Variants in GRID1 observed in about 807,000 individuals in gnomAD.
GRID1 encodes the protein glutamate ionotropic receptor delta type subunit 1, also known as glutamate receptor ionotropic, delta-1.
Under a neutral mutation model 98.0 loss-of-function variants are expected in GRID1, and 28 were observed. The observed-to-expected ratio is 0.29, with a 90% CI of 0.21 to 0.39. GRID1 has a LOEUF of 0.39. Among genes scored for constraint, GRID1 ranks in the 10% least tolerant of loss-of-function variants. GRID1 has a pLI of 1.00. For missense variants in GRID1, 1,111 were observed against 1,340.5 expected (o/e 0.83, Z 2.67); for synonymous variants, 553 against 538.5 (o/e 1.03, Z -0.37).
intron 2 of GRID1, among the ~76,000 whole-genome samples, chr10:86,339,238 T>G (rs1051236293): frequency 1.3e-5 from 2 of 152,118 alleles, no homozygotes; most frequent in Non-Finnish European, 2.9e-5. Context: ...ATCCTGCACT[T>G]TCGAGAAACA....
rs575512598 is a variant in GRID1 at position 86,067,272 on chromosome 10, G to A, written c.726+71547C>T. On this transcript the variant is annotated intron_variant, in intron 4 of 15. Transcript: ENST00000327946. ...CCGCGCTCTGCATGCACGCTGGAGG[G>A]TTGGCCAATTAAACCTGGGGAGCTT... is the stretch of plus-strand genomic sequence containing the variant. Among the ~76,000 whole-genome samples the A allele has an allele frequency of 7.2e-5, 11 of 152,330 alleles. No homozygotes were observed. In the East Asian group the frequency reaches 1.7e-3, roughly 24 times the overall value.
chr10:86,087,379 T>C (rs1247119237), intron 4 of GRID1, among the ~76,000 whole-genome samples: 1 of 150,076 alleles, frequency 6.7e-6, no homozygotes, highest in Non-Finnish European at 1.5e-5. Flanking sequence ...TGTGAGTGTC[T>C]GCATAATGGA....
At chr10:85,927,945 C>T (rs1160485086) in intron 4 of GRID1, among the ~76,000 whole-genome samples, 4 of 152,024 alleles carry the variant, frequency 2.6e-5, no homozygotes, top group African/African-American at 9.7e-5. Context: ...GGGCATTGGC[C>T]CAGGAAGAAA....
chr10:85,714,367 C>G (rs958444138), intron 12 of GRID1, among the ~76,000 whole-genome samples: 3 of 151,740 alleles, frequency 2.0e-5, no homozygotes, highest in Non-Finnish European at 4.4e-5. Flanking sequence ...TACAGTTTAT[C>G]TATAAACAAA....
At chr10:85,877,037 C>A (rs551220467) in intron 5 of GRID1, among the ~76,000 whole-genome samples, 1 of 152,188 alleles carries the variant, frequency 6.6e-6, no homozygotes, top group South Asian at 2.1e-4. Flanking sequence ...AACTGCAAGG[C>A]GGCAGTAAGG....
At chr10:85,827,783 C>G (rs567830440) in intron 8 of GRID1, among the ~76,000 whole-genome samples, 35 of 151,696 alleles carry the variant, frequency 2.3e-4, no homozygotes, top group African/African-American at 8.5e-4. Flanking sequence ...CCCAGAAGCA[C>G]CAAGGTCTTC....
intron 15 of GRID1, among the ~76,000 whole-genome samples, chr10:85,604,871 GA>G (rs745543768): frequency 3.3e-5 from 5 of 152,178 alleles, no homozygotes; most frequent in Non-Finnish European, 5.9e-5. Flanking sequence ...TTTTCCCAAG[GA>G]AGTCTATGGT....
At chr10:85,874,731 T>C (rs1843311111) in intron 5 of GRID1, among the ~76,000 whole-genome samples, 1 of 152,256 alleles carries the variant, frequency 6.6e-6, no homozygotes, top group South Asian at 2.1e-4. Flanking sequence ...TTGTACTACA[T>C]GAACGTTTCA....
intron 12 of GRID1, among the ~76,000 whole-genome samples, chr10:85,685,408 A>C (rs150334406): frequency 3.4e-4 from 52 of 152,318 alleles, no homozygotes; most frequent in African/African-American, 1.2e-3. Flanking sequence ...AAATTGAGAA[A>C]AAGAATGCTT....
chr10:85,790,646 C>A (rs1224964861), intron 8 of GRID1, among the ~76,000 whole-genome samples: 1 of 152,144 alleles, frequency 6.6e-6, no homozygotes, highest in African/African-American at 2.4e-5. Flanking sequence ...CCAGGAGCCT[C>A]CTGGCAGGGA....
At chr10:86,156,624 G>T (rs1845249649) in intron 3 of GRID1, among the ~76,000 whole-genome samples, 1 of 152,228 alleles carries the variant, frequency 6.6e-6, no homozygotes, top group Non-Finnish European at 1.5e-5. Flanking sequence ...CTCAAGGTGA[G>T]TTTCTGTCAC....
chr10:86,239,102 C>A (rs535968567), intron 2 of GRID1, among the ~76,000 whole-genome samples: 1 of 152,364 alleles, frequency 6.6e-6, no homozygotes, highest in East Asian at 1.9e-4. Flanking sequence ...CTGAGCCCTG[C>A]AGAGCCATAG....
chr10:85,796,079 A>C (rs970192905), intron 8 of GRID1, among the ~76,000 whole-genome samples: 1 of 152,210 alleles, frequency 6.6e-6, no homozygotes, highest in African/African-American at 2.4e-5. Flanking sequence ...TCTTCCTGAC[A>C]ATGTGAAAGG....
chr10:86,097,867 C>A (rs532466764), intron 4 of GRID1, among the ~76,000 whole-genome samples: 1 of 152,168 alleles, frequency 6.6e-6, no homozygotes, highest in South Asian at 2.1e-4. Flanking sequence ...TGTTTTTCAA[C>A]AGAAGAAAAG....
intron 2 of GRID1, among the ~76,000 whole-genome samples, chr10:86,361,342 T>C (rs1848598455): frequency 6.6e-6 from 1 of 152,180 alleles, no homozygotes; most frequent in African/African-American, 2.4e-5. Flanking sequence ...ACCAGACTCA[T>C]AAAATGAAAG....
intron 4 of GRID1, among the ~76,000 whole-genome samples, chr10:86,025,477 C>T (rs866785099): frequency 3.9e-5 from 6 of 152,160 alleles, no homozygotes; most frequent in Non-Finnish European, 5.9e-5. Flanking sequence ...AGCTTTCCTA[C>T]GATAGTAGTC....
At chr10:85,756,201 T>G (rs900234259) in intron 8 of GRID1, among the ~76,000 whole-genome samples, 2 of 152,220 alleles carry the variant, frequency 1.3e-5, no homozygotes, top group Non-Finnish European at 2.9e-5. Context: ...GCACTTATCA[T>G]GCACTGTGGC....
At chr10:85,864,742 T>C (rs1843198984) in intron 6 of GRID1, among the ~76,000 whole-genome samples, 1 of 152,080 alleles carries the variant, frequency 6.6e-6, no homozygotes, top group South Asian at 2.1e-4. Context: ...TCTAATAGAG[T>C]GTGTGCAGCA....
intron 3 of GRID1, among the ~76,000 whole-genome samples, chr10:86,187,425 T>C (rs950809388): frequency 2.0e-5 from 3 of 152,326 alleles, no homozygotes; most frequent in South Asian, 4.1e-4. Flanking sequence ...AGGCAGGATT[T>C]GAACTCAGAC....
Sources: allele counts gnomAD v4.1 joint callset (sites outside exome capture counted in the v4.1 genomes callset), GRCh38; gene constraint gnomAD v4.1.1; transcripts MANE v1.5; gene names NCBI Gene and HGNC (gene_info 2026-07-23, HGNC 2026-07-21).